CDH23: variants seen among roughly 807,000 people sequenced by gnomAD.
CDH23 encodes cadherin-23.
A neutral mutation model predicts 317.1 loss-of-function variants in CDH23; 189 were observed. That is an observed-to-expected ratio of 0.60 (90% CI 0.53 to 0.67). CDH23 has a LOEUF of 0.67. Ranked by LOEUF, CDH23 falls within the 30% of genes least tolerant of loss-of-function variation. CDH23 has a pLI of 0.00. For missense variants in CDH23, 4,401 were observed against 4,592.4 expected, an observed-to-expected ratio of 0.96 and a Z score of 1.20; for synonymous variants, 1,839 against 1,876.8, an observed-to-expected ratio of 0.98 and a Z score of 0.52.
chr10:71,678,617 C>T (rs1208912186), intron 16 of CDH23, among the ~76,000 whole-genome samples: 2 of 152,190 alleles, frequency 1.3e-5, no homozygotes, highest in African/African-American at 2.4e-5. Context: ...GCCACGGCCC[C>T]CCGTACAACC....
At chr10:71,768,967 C>G (rs1049880439) in intron 38 of CDH23, among the ~76,000 whole-genome samples, 1 of 152,196 alleles carries the variant, frequency 6.6e-6, no homozygotes, top group Non-Finnish European at 1.5e-5. Context: ...CTCTGGAGGT[C>G]TGGTGCCATC....
At chr10:71,759,809 T>G (rs2132880720) in intron 38 of CDH23, among the ~76,000 whole-genome samples, 1 of 94,096 alleles carries the variant, frequency 1.1e-5, no homozygotes, top group Non-Finnish European at 2.0e-5. Flanking sequence ...GAAACCGTGT[T>G]TCAGAAAATA....
chr10:71,714,387 C>T (rs1866119118), intron 28 of CDH23: 2 of 152,166 alleles, frequency 1.3e-5, no homozygotes, highest in African/African-American at 4.8e-5. Context: ...AGGGGCTGGA[C>T]AATGTCTGGC....
intron 6 of CDH23, among the ~76,000 whole-genome samples, chr10:71,524,874 G>A (rs1215819151): frequency 6.6e-6 from 1 of 152,204 alleles, no homozygotes; most frequent in African/African-American, 2.4e-5. Flanking sequence ...GGAGCCTCCA[G>A]AAGGAACGCA....
chr10:71,569,601 T>TAGTG (rs1857644169), intron 7 of CDH23, among the ~76,000 whole-genome samples: 1 of 152,236 alleles, frequency 6.6e-6, no homozygotes, highest in Non-Finnish European at 1.5e-5. Flanking sequence ...TCAAAACTGT[T>TAGTG]AGTGGCAAAT....
intron 41 of CDH23, among the ~76,000 whole-genome samples, chr10:71,779,845 C>T (rs1320774846): frequency 6.6e-6 from 1 of 152,258 alleles, no homozygotes; most frequent in East Asian, 1.9e-4. Context: ...CTGGCTTGCT[C>T]TGCACATCTC....
chr10:71,731,678 C>T (rs1441404981), intron 31 of CDH23, among the ~76,000 whole-genome samples: 3 of 152,142 alleles, frequency 2.0e-5, no homozygotes, highest in African/African-American at 7.2e-5. Flanking sequence ...CTTGTATGTC[C>T]AGATATCAAA....
chr10:71,579,449 T>C (rs965999782), intron 9 of CDH23, among the ~76,000 whole-genome samples: 2 of 152,124 alleles, frequency 1.3e-5, no homozygotes, highest in Non-Finnish European at 1.5e-5. Flanking sequence ...AACCCCGATA[T>C]GTACTTGCAA....
chr10:71,726,417 A>T (rs1866814071), intron 30 of CDH23, among the ~76,000 whole-genome samples: 1 of 152,134 alleles, frequency 6.6e-6, no homozygotes, highest in Non-Finnish European at 1.5e-5. Context: ...GATCACAAAC[A>T]CGATGGGTCT....
chr10:71,753,676 GT>G (rs1208772444), intron 38 of CDH23: 1 of 440,074 alleles, frequency 2.3e-6, no homozygotes, highest in East Asian at 7.1e-5. Context: ...ATTAGATGCA[GT>G]GACCCCAACT....
chr10:71,625,284 C>CTGA (rs1392330008), intron 11 of CDH23, among the ~76,000 whole-genome samples: 1 of 148,846 alleles, frequency 6.7e-6, no homozygotes. Context: ...CTGGCAGGAA[C>CTGA]TGATTCCCGT....
chr10:71,550,506 G>T (rs1360726784), intron 6 of CDH23, among the ~76,000 whole-genome samples: 1 of 140,346 alleles, frequency 7.1e-6, no homozygotes, highest in Non-Finnish European at 1.5e-5. Flanking sequence ...GCTGCAGTAA[G>T]CTGTGATCGT....
At chr10:71,761,962 G>A (rs374174422) in intron 38 of CDH23, 22 of 1,613,746 alleles carry the variant, frequency 1.4e-5, no homozygotes, top group Admixed American at 5.0e-5. Context: ...TGAGGGTGAC[G>A]TTCTGCCCCT....
chr10:71,697,931 G>A (rs912831276), intron 22 of CDH23, among the ~76,000 whole-genome samples: 5 of 152,210 alleles, frequency 3.3e-5, no homozygotes, highest in Admixed American at 3.3e-4. Context: ...CCCCAGGGTA[G>A]TATTTGAGAC....
intron 1 of CDH23, among the ~76,000 whole-genome samples, chr10:71,408,941 G>A (rs1447456510): frequency 6.6e-6 from 1 of 152,242 alleles, no homozygotes; most frequent in African/African-American, 2.4e-5. Flanking sequence ...AGACGGCCTT[G>A]GCCATGTGTG....
chr10:71,477,254 C>T lies in CDH23; in HGVS notation c.145+30859C>T, dbSNP rs140622953. ...CGCGATCTCTGCTTACTGCAACCTC[C>T]GCCTCCCAGGTTCAAGCGATTCTCC... On this transcript the variant is annotated intron_variant, in intron 3 of 69. Transcript: ENST00000224721. Among the ~76,000 whole-genome samples, 182 of 152,310 alleles carry T rather than the reference C, an allele frequency of 1.2e-3. 1 individual carries two copies. Among genetic ancestry groups the T allele is most frequent in the African/African-American group, 4.2e-3 (173 of 41,564 alleles).
chr10:71,578,498 G>A (rs888872181), intron 9 of CDH23, among the ~76,000 whole-genome samples: 1 of 152,146 alleles, frequency 6.6e-6, no homozygotes, highest in African/African-American at 2.4e-5. Context: ...AATGTTGCGG[G>A]GGGGAACATC....
intron 9 of CDH23, among the ~76,000 whole-genome samples, chr10:71,602,754 A>G (rs575177231): frequency 6.6e-6 from 1 of 152,234 alleles, no homozygotes; most frequent in South Asian, 2.1e-4. Context: ...TCTTTGACGC[A>G]TCCTGACATG....
rs191167279 is a variant in CDH23, at chr10:71,540,486, G to A, written c.430-26256G>A. The stretch of plus-strand genomic sequence containing the variant: ...TTGATAGAATCGTGGGGTCTGTGAC[G>A]TTGCTGCCTGCACAAACCACACGTG... On this transcript the variant is annotated intron_variant, in intron 6 of 69. Transcript: ENST00000224721. Among the ~76,000 whole-genome samples, 3 of 152,220 alleles carry A rather than the reference G, an allele frequency of 2.0e-5. No individual in the cohort carries two copies. In the East Asian group the frequency reaches 5.8e-4, roughly 29 times the overall value.
Sources: gnomAD v4.1 joint callset for allele counts (sites outside exome capture counted in the v4.1 genomes callset) on GRCh38, gnomAD v4.1.1 for gene constraint, MANE v1.5 for transcripts, NCBI Gene and HGNC (gene_info 2026-07-23, HGNC 2026-07-21) for gene names.